PHACTR2: variants seen among roughly 807,000 people sequenced by gnomAD.
PHACTR2 encodes the protein phosphatase and actin regulator 2.
Under a neutral mutation model 76.0 loss-of-function variants are expected in PHACTR2, and 30 were observed. The ratio of observed to expected loss-of-function variants is 0.39; its 90% CI spans 0.30 to 0.54. The LOEUF is 0.54. Ranked by LOEUF, PHACTR2 falls within the 20% of genes least tolerant of loss-of-function variation. The pLI is 0.61. For synonymous variants in PHACTR2, 292 were observed against 292.5 expected, an observed-to-expected ratio of 1.00 and a Z score of 0.02; for missense variants, 696 against 781.1, an observed-to-expected ratio of 0.89 and a Z score of 1.30.
chr6:143,571,750 T>C lies in PHACTR2; in HGVS notation c.217+34543T>C, dbSNP rs1775448890. Among the ~76,000 whole-genome samples, 1 of 152,184 alleles carries C rather than the reference T, an allele frequency of 6.6e-6. No homozygotes were observed. The highest frequency in any genetic ancestry group is 1.5e-5 in the Non-Finnish European group (1 of 68,024). ...TCATTAAAAAAATCATTTCCTTACTTTCTGGGACCACAAGACGTTCCAGAC... is the reference window on the plus strand; with the variant it reads ...TCATTAAAAAAATCATTTCCTTACTCTCTGGGACCACAAGACGTTCCAGAC... On this transcript the variant is annotated intron_variant, in intron 1 of 11. Coordinates refer to the PHACTR2 transcript ENST00000367584. This position sits in a 1 kb window ranked among gnomAD's most constrained non-coding sequence, Gnocchi z 4.6.
At chr6:143,690,277 T>C (rs1449434761) in intron 1 of PHACTR2, among the ~76,000 whole-genome samples, 7 of 152,242 alleles carry the variant, frequency 4.6e-5, no homozygotes, top group Admixed American at 4.6e-4. Context: ...CTTTGTCCTC[T>C]TCCCATGTGG....
At chr6:143,630,008 T>C (rs1776334218) in intron 1 of PHACTR2, among the ~76,000 whole-genome samples, 2 of 152,074 alleles carry the variant, frequency 1.3e-5, no homozygotes, top group African/African-American at 2.4e-5. Flanking sequence ...TGTTTTCATC[T>C]TCTTGTGGTT....
chr6:143,607,043 T>C (rs560799701), upstream of PHACTR2, among the ~76,000 whole-genome samples: 1 of 152,306 alleles, frequency 6.6e-6, no homozygotes, highest in Non-Finnish European at 1.5e-5. Flanking sequence ...GCTGTTACAA[T>C]GGGAAACTAG....
chr6:143,748,943 A>C lies in PHACTR2; in HGVS notation c.215-42A>C, dbSNP rs749175581. On this transcript the variant is annotated intron_variant, in intron 2 of 12. Transcript: ENST00000440869. Reference sequence around the variant, plus strand: ...TGGAATGTTTTTCATAATTATCTTAAGGAATGACTTGATTCTTACTTGTGC... The same window carrying C: ...TGGAATGTTTTTCATAATTATCTTACGGAATGACTTGATTCTTACTTGTGC... 7.1e-6 allele frequency: 7 copies of C among 985,812 alleles called. No individual in the cohort carries two copies. In the South Asian group the frequency reaches 9.7e-5, roughly 14 times the overall value. The allele number at this position is 985,812 out of a possible 1,614,324, so 61.1% of individuals were successfully genotyped here.
At chr6:143,609,694 T>C (rs768638545) in intron 1 of PHACTR2, among the ~76,000 whole-genome samples, 5 of 152,222 alleles carry the variant, frequency 3.3e-5, no homozygotes, top group Non-Finnish European at 7.3e-5. Flanking sequence ...CATTTAAAAC[T>C]TCTGCCACCC....
intron 1 of PHACTR2, among the ~76,000 whole-genome samples, chr6:143,685,705 A>AG (rs34264660): frequency 6.6e-6 from 1 of 150,594 alleles, no homozygotes; most frequent in Non-Finnish European, 1.5e-5. Context: ...AAAAAAAAAA[A>AG]GGGATGCAAC....
chr6:143,673,133 C>A (rs1051698825), upstream of PHACTR2, among the ~76,000 whole-genome samples: 4 of 152,254 alleles, frequency 2.6e-5, no homozygotes, highest in East Asian at 7.7e-4. Flanking sequence ...AGAGTCCATA[C>A]CTCACTTATC....
chr6:143,707,176 CA>C (rs34547639), intron 1 of PHACTR2, among the ~76,000 whole-genome samples: 64,390 of 151,764 alleles, frequency 0.42, 14,017 homozygotes, highest in African/African-American at 0.51. Context: ...TAATAAAGCA[CA>C]AAAAAATAAC....
rs143997167 is a variant in PHACTR2 at position 143,694,125 on chromosome 6, AGAAGGAAG to A, written c.46+15934_46+15941del. Among the ~76,000 whole-genome samples the A allele has an allele frequency of 1.8e-3, 256 of 141,962 alleles. 1 individual carries two copies. The highest frequency in any genetic ancestry group is 8.6e-3 in the South Asian group (35 of 4,084). The allele number at this position is 141,962 out of a possible 152,430, so 93.1% of individuals were successfully genotyped here. A position where few individuals can be genotyped will look rare whatever the true frequency, so the allele number is the denominator to read the frequency against. ...AGGAAGGGAGGGAAGAAGGAAGGAA[AGAAGGAAG>A]GAAGGAAGGAAGGAAGGCCTGCGAC... On this transcript the variant is annotated intron_variant, in intron 1 of 12. Coordinates refer to ENST00000440869, the MANE Select transcript of PHACTR2 (RefSeq NM_001100164.2).
rs1014251682 is a variant in PHACTR2 at position 143,800,093 on chromosome 6, G to A, written c.1846-6964G>A. ...ACTGGATGCATATATATTTAGGATA[G>A]TTAACTCTTTTTGTTGAATTGATCC... is the stretch of plus-strand genomic sequence containing the variant. On this transcript the variant is annotated intron_variant, in intron 11 of 12. Transcript: ENST00000440869. The surrounding 1 kb of genome is among the most constrained non-coding windows in gnomAD (Gnocchi z 4.8). 6.6e-6 allele frequency among the ~76,000 whole-genome samples: 1 copy of A among 152,088 alleles called. No homozygotes were observed. Among genetic ancestry groups the A allele is most frequent in the African/African-American group, 2.4e-5 (1 of 41,400 alleles).
rs373689390 is a variant in PHACTR2, at chr6:143,789,678, A to C, written c.1845+768A>C. Among the ~76,000 whole-genome samples, 260 of 152,278 alleles carry C rather than the reference A, an allele frequency of 1.7e-3. No homozygotes were observed. The highest frequency in any genetic ancestry group is 0.01 in the Middle Eastern group (3 of 294). On this transcript the variant is annotated intron_variant, in intron 11 of 12. Transcript: ENST00000440869. The surrounding 1 kb of genome is among the most constrained non-coding windows in gnomAD (Gnocchi z 5.1). The stretch of plus-strand genomic sequence containing the variant: ...ACTCGTGCTATACCCAGTTTTTTTT[A>C]ATCATAAGTACTTTTGCTTAAACAT...
chr6:143,792,012 T>G (rs1328071782), intron 11 of PHACTR2, among the ~76,000 whole-genome samples: 2 of 152,178 alleles, frequency 1.3e-5, no homozygotes, highest in African/African-American at 4.8e-5. Flanking sequence ...TCAGATATTC[T>G]AGCTTACCCT....
Position 143,772,278 on chromosome 6 carries a change from T to C in PHACTR2, c.1253T>C (p.Leu418Pro), listed in dbSNP as rs1313123854. ...AACAGTTTCACAACCAAAGAGGAGC[T>C]GGGGAAGACAGTGCCTCAGCTACTG... ...NAKCFTTKEELGKTVPQLLTP... is the reference protein window; with the variant it reads ...NAKCFTTKEEPGKTVPQLLTP... The change falls in exon 7 of 13, where the codon CTG becomes CCG. Residue 418 changes from leucine (L) to proline (P), a missense_variant. By Grantham distance (98) the Leu-to-Pro change is moderately conservative. Coordinates refer to ENST00000440869, the MANE Select transcript of PHACTR2 (RefSeq NM_001100164.2). The surrounding 1 kb of genome is among the most constrained non-coding windows in gnomAD (Gnocchi z 5.4). 5 of 1,613,576 alleles carry C rather than the reference T, an allele frequency of 3.1e-6. No homozygotes were observed. The highest frequency in any genetic ancestry group is 2.7e-5 in the African/African-American group (2 of 74,878).
At chr6:143,569,660 T>G (rs1260247456) in intron 1 of PHACTR2, among the ~76,000 whole-genome samples, 1 of 152,230 alleles carries the variant, frequency 6.6e-6, no homozygotes, top group East Asian at 1.9e-4. Context: ...ATGTGGAATA[T>G]AGATAGACAT....
Position 143,696,396 on chromosome 6 carries a change from A to G in PHACTR2, c.47-15620A>G, listed in dbSNP as rs1443625241. Reference sequence around the variant, plus strand: ...TTTTCCAAGAAATTTTGCTGCCCCAATTGCTCCAAATCATAAATAACCCAC... The same window carrying G: ...TTTTCCAAGAAATTTTGCTGCCCCAGTTGCTCCAAATCATAAATAACCCAC... On this transcript the variant is annotated intron_variant, in intron 1 of 12. Coordinates refer to ENST00000440869, the MANE Select transcript of PHACTR2 (RefSeq NM_001100164.2). This position sits in a 1 kb window ranked among gnomAD's most constrained non-coding sequence, Gnocchi z 4.1. Among the ~76,000 whole-genome samples, 1 of 152,144 alleles carries G rather than the reference A, an allele frequency of 6.6e-6. No individual in the cohort carries two copies. The highest frequency in any genetic ancestry group is 1.5e-5 in the Non-Finnish European group (1 of 68,024).
intron 12 of PHACTR2, among the ~76,000 whole-genome samples, chr6:143,808,263 G>T (rs1776106175): frequency 6.6e-6 from 1 of 151,842 alleles, no homozygotes; most frequent in South Asian, 2.1e-4. Flanking sequence ...CAAGTAGCTG[G>T]GATTACAGGC....
rs914175416 is a variant in PHACTR2, at chr6:143,559,779, C to T, written c.217+22572C>T. On this transcript the variant is annotated intron_variant, in intron 1 of 11. Coordinates refer to the PHACTR2 transcript ENST00000367584. Reference sequence around the variant, plus strand: ...AGGCTGGAGTGCAATGGTGTGATCTCGGCTCACTGCAACCTCTGCTTCCCA... The same window carrying T: ...AGGCTGGAGTGCAATGGTGTGATCTTGGCTCACTGCAACCTCTGCTTCCCA... 4.3e-5 allele frequency among the ~76,000 whole-genome samples: 5 copies of T among 116,918 alleles called. No individual in the cohort carries two copies. The East Asian group carries it at 9.0e-4, about 21-fold the overall frequency. The allele number at this position is 116,918 out of a possible 152,430, so 76.7% of individuals were successfully genotyped here. A position where few individuals can be genotyped will look rare whatever the true frequency, so the allele number is the denominator to read the frequency against.
intron 2 of PHACTR2, among the ~76,000 whole-genome samples, chr6:143,745,381 C>T (rs1779036188): frequency 1.3e-5 from 2 of 152,194 alleles, no homozygotes; most frequent in African/African-American, 4.8e-5. Context: ...ATACCTTCCT[C>T]AAAATGAGGG....
rs1171501267 is a variant in PHACTR2, at chr6:143,764,258, CCACCAAAGCCT to C, written c.695-1001_695-991del. Among the ~76,000 whole-genome samples the C allele has an allele frequency of 3.3e-5, 5 of 152,068 alleles. 1 individual carries two copies. Among genetic ancestry groups the C allele is most frequent in the African/African-American group, 1.2e-4 (5 of 41,402 alleles). On this transcript the variant is annotated intron_variant, in intron 5 of 12. Coordinates refer to ENST00000440869, the MANE Select transcript of PHACTR2 (RefSeq NM_001100164.2). The surrounding 1 kb of genome is among the most constrained non-coding windows in gnomAD (Gnocchi z 4.7). Reference sequence around the variant, plus strand: ...GGCTCACACCTGTAATTCTTTGGAGCCACCAAAGCCTCTCACTTTGGGAGGCTGAGATGGGT... The same window carrying C: ...GGCTCACACCTGTAATTCTTTGGAGCCTCACTTTGGGAGGCTGAGATGGGT...
Sources: gnomAD v4.1 joint callset for allele counts (sites outside exome capture counted in the v4.1 genomes callset) on GRCh38, gnomAD v4.1.1 for gene constraint, Gnocchi (gnomAD v3.1) non-coding constraint, MANE v1.5 for transcripts, NCBI Gene and HGNC (gene_info 2026-07-23, HGNC 2026-07-21) for gene names.